The following LYST variants were observed in gnomAD, a reference collection of about 807,000 sequenced individuals.
LYST encodes the protein lysosomal trafficking regulator, also known as lysosomal-trafficking regulator.
LYST carries 192 observed loss-of-function variants against 413.6 expected under a neutral mutation model. The ratio of observed to expected loss-of-function variants is 0.46; its 90% confidence interval spans 0.41 to 0.52. LYST has a LOEUF of 0.52. Among genes scored for constraint, LYST ranks in the 20% least tolerant of loss-of-function variants. The pLI, the probability that LYST is intolerant of heterozygous loss-of-function variation, is 0.00. For missense variants in LYST, 3,815 were observed against 4,499.9 expected (o/e 0.85, Z 4.35); for synonymous variants, 1,525 against 1,567.3 (o/e 0.97, Z 0.64).
chr1:235,695,663 T>C (rs548840156), intron 46 of LYST, among the ~76,000 whole-genome samples: 1 of 147,190 alleles, frequency 6.8e-6, no homozygotes, highest in African/African-American at 2.6e-5. Context: ...GACGGAGTCT[T>C]GCTCTGTCTC....
intron 31 of LYST, chr1:235,738,330 A>T (rs965240624): frequency 1.2e-6 from 2 of 1,612,012 alleles, no homozygotes; most frequent in Non-Finnish European, 1.7e-6. Flanking sequence ...AATTTGGTCC[A>T]GTGTAATGTG....
At chr1:235,850,153 G>C (rs1017250177) in intron 1 of LYST, among the ~76,000 whole-genome samples, 1 of 152,172 alleles carries the variant, frequency 6.6e-6, no homozygotes, top group Admixed American at 6.5e-5. Flanking sequence ...CACCAAAATA[G>C]TGTGGTACTG....
chr1:235,755,360 G>A (rs1572158660), intron 25 of LYST, 118 bp downstream of exon 25: 1 of 977,694 alleles, frequency 1.0e-6, no homozygotes, highest in East Asian at 2.4e-5. Flanking sequence ...TTGCACTCCA[G>A]CCTGGGCAAC....
At chr1:235,879,229 G>A (rs1305538794) in intron 1 of LYST, among the ~76,000 whole-genome samples, 2 of 152,196 alleles carry the variant, frequency 1.3e-5, no homozygotes, top group South Asian at 2.1e-4. Context: ...GTGGCTGACT[G>A]TTAATACACA....
At chr1:235,868,304 C>T (rs760891661), upstream of LYST, among the ~76,000 whole-genome samples, 15 of 151,970 alleles carry the variant, frequency 9.9e-5, no homozygotes, top group Admixed American at 6.6e-5. Context: ...CTCATTTAAG[C>T]AGTATATAAT....
At chr1:235,757,537 G>T in intron 23 of LYST, 79 bp from the exon 24 acceptor site, 1 of 1,047,842 alleles carries the variant, frequency 9.5e-7, no homozygotes, top group Non-Finnish European at 1.5e-6. Context: ...GTGACAAGTA[G>T]TAGCATTTTT....
intron 1 of LYST, among the ~76,000 whole-genome samples, chr1:235,878,963 C>A (rs769173142): frequency 1.3e-5 from 2 of 152,134 alleles, no homozygotes; most frequent in African/African-American, 2.4e-5. Context: ...GAGGTCTGGG[C>A]TGTTAGAGTA....
At chr1:235,758,180 T>C (rs939184402) in intron 23 of LYST, among the ~76,000 whole-genome samples, 2 of 152,182 alleles carry the variant, frequency 1.3e-5, no homozygotes, top group African/African-American at 4.8e-5. Context: ...TATAAAGTTA[T>C]GGGTCTGCGA....
rs757222354 is a variant in LYST, at chr1:235,775,041, G to T, written c.5506C>A (p.Arg1836=). The T allele has an allele frequency of 1.2e-6, 2 of 1,611,256 alleles. No homozygotes were observed. Among genetic ancestry groups the T allele is most frequent in the East Asian group, 2.2e-5 (1 of 44,722 alleles). The change falls in exon 18 of 53, where the codon CGA becomes AGA. Residue 1836 remains arginine (R), a synonymous_variant. Transcript: ENST00000389793. ...SCEETQALAL[R]VILSLIKYNQ... ...TATTTAATTAATGAGAGTATAACTCGCAGTGCTAATGCTTGAGTTTCTTCA... is the reference window on the plus strand; with the variant it reads ...TATTTAATTAATGAGAGTATAACTCTCAGTGCTAATGCTTGAGTTTCTTCA...
In LYST at chr1:235,809,223, G is replaced by C. The variant is rs750184895; in HGVS notation, c.1595C>G (p.Pro532Arg). The C allele has an allele frequency of 4.3e-6, 7 of 1,613,830 alleles. No individual in the cohort carries two copies. The highest frequency in any genetic ancestry group is 5.9e-6 in the Non-Finnish European group (7 of 1,179,948). The change falls in exon 5 of 53, where the codon CCA becomes CGA. Residue 532 changes from proline (P) to arginine (R), a missense_variant. This residue lies in a region of LYST where 1,648 missense variants were observed against 1,810.3 expected (regional missense o/e 0.91). Transcript: ENST00000389793. The surrounding 1 kb of genome is among the most constrained non-coding windows in gnomAD (Gnocchi z 4.0). ...ATCTCCATCTGCAGTCTCTTCAAATGGGTTTTTGGAAACCTGGTTTTTAAA... is the reference window on the plus strand; with the variant it reads ...ATCTCCATCTGCAGTCTCTTCAAATCGGTTTTTGGAAACCTGGTTTTTAAA... ...SAFKNQVSKN[P>R]FEETADGDVY...
intron 5 of LYST, among the ~76,000 whole-genome samples, chr1:235,807,623 T>C (rs1006731891): frequency 2.6e-5 from 4 of 152,198 alleles, no homozygotes; most frequent in African/African-American, 9.7e-5. Flanking sequence ...AAGATATTGA[T>C]AGGTTATTTT....
chr1:235,781,432 C>G (rs1348344613), intron 15 of LYST, among the ~76,000 whole-genome samples: 1 of 151,842 alleles, frequency 6.6e-6, no homozygotes, highest in Non-Finnish European at 1.5e-5. Flanking sequence ...TTATTCCTTC[C>G]TATTTAGTCA....
chr1:235,730,593 G>A (rs966372677), intron 36 of LYST, among the ~76,000 whole-genome samples: 13 of 132,854 alleles, frequency 9.8e-5, no homozygotes, highest in African/African-American at 3.0e-4. Context: ...GTGTGTGTGT[G>A]TGTGTGTGTG....
intron 47 of LYST, among the ~76,000 whole-genome samples, chr1:235,692,469 C>T (rs1326628852): frequency 6.6e-6 from 1 of 151,804 alleles, no homozygotes; most frequent in East Asian, 2.0e-4. Flanking sequence ...CAACCTCTGC[C>T]TCCTGGGTTC....
intron 1 of LYST, among the ~76,000 whole-genome samples, chr1:235,873,687 C>T (rs971484242): frequency 2.6e-5 from 4 of 152,188 alleles, no homozygotes; most frequent in Non-Finnish European, 4.4e-5. Flanking sequence ...TTTTGACAGC[C>T]AGTATTTGTC....
In LYST at chr1:235,686,843, T is replaced by A; in HGVS notation, c.10800+106A>T. 1 of 863,544 alleles carries A rather than the reference T, an allele frequency of 1.2e-6. No individual in the cohort carries two copies. The highest frequency in any genetic ancestry group is 2.0e-6 in the Non-Finnish European group (1 of 497,588). The allele number at this position is 863,544 out of a possible 1,614,324, so 53.5% of individuals were successfully genotyped here. A position where few individuals can be genotyped will look rare whatever the true frequency, so the allele number is the denominator to read the frequency against. Reference sequence around the variant, plus strand: ...CTAATGTAGGGAGAAGATTAAGGTATAAACATTTTAAGTTAATCTTATGCA... The same window carrying A: ...CTAATGTAGGGAGAAGATTAAGGTAAAAACATTTTAAGTTAATCTTATGCA... On this transcript the variant is annotated intron_variant, in intron 48 of 52. Transcript: ENST00000389793. The surrounding 1 kb of genome is among the most constrained non-coding windows in gnomAD (Gnocchi z 4.0).
At chr1:235,703,461 A>G (rs1180380151) in intron 44 of LYST, among the ~76,000 whole-genome samples, 2 of 152,228 alleles carry the variant, frequency 1.3e-5, no homozygotes, top group East Asian at 1.9e-4. Flanking sequence ...TACTGCACTA[A>G]GAAGCATATT....
At chr1:235,709,774 T>C (rs1662258333) in intron 43 of LYST, among the ~76,000 whole-genome samples, 1 of 150,050 alleles carries the variant, frequency 6.7e-6, no homozygotes, top group South Asian at 2.1e-4. Flanking sequence ...TTCTATAGTT[T>C]AAAAACTCAA....
intron 34 of LYST, among the ~76,000 whole-genome samples, 197 bp from the exon 35 acceptor site, chr1:235,731,374 C>A (rs1344153879): frequency 6.6e-6 from 1 of 152,146 alleles, no homozygotes; most frequent in Non-Finnish European, 1.5e-5. Flanking sequence ...GCTCCTGAAT[C>A]CCAGTCTCCC....
Sources: gnomAD v4.1 joint callset for allele counts (sites outside exome capture counted in the v4.1 genomes callset) on GRCh38, gnomAD v4.1.1 for gene constraint, gnomAD v4.1.1 regional missense constraint, Gnocchi (gnomAD v3.1) non-coding constraint, MANE v1.5 for transcripts, NCBI Gene and HGNC (gene_info 2026-07-23, HGNC 2026-07-21) for gene names.